SETDB1: variants seen among roughly 807,000 people sequenced by gnomAD.
The protein encoded by SETDB1 is histone-lysine N-methyltransferase SETDB1.
Under a neutral mutation model 137.4 loss-of-function variants are expected in SETDB1, and 31 were observed. That is an observed-to-expected ratio of 0.23 (90% CI 0.17 to 0.30). The LOEUF is 0.30. SETDB1 is among the 10% of genes least tolerant of loss of function. The pLI is 1.00. For missense variants in SETDB1, 1,113 were observed against 1,631.5 expected (o/e 0.68, Z 5.47); for synonymous variants, 548 against 579.9 (o/e 0.95, Z 0.79).
chr1:150,933,773 CTTTTTCTTTT>C (rs1558012264), intron 3 of SETDB1, among the ~76,000 whole-genome samples: 7 of 13,948 alleles, frequency 5.0e-4, no homozygotes, highest in Non-Finnish European at 2.0e-3. Flanking sequence ...TTTTCTTTTT[CTTTTTCTTTT>C]TTTTTTTTTT....
chr1:150,937,106 C>T (rs1669969392), intron 3 of SETDB1, among the ~76,000 whole-genome samples: 1 of 149,594 alleles, frequency 6.7e-6, no homozygotes, highest in East Asian at 2.0e-4. Flanking sequence ...GCCTGGATGA[C>T]AGAGTAAGAA....
rs750027850 is a variant in SETDB1, at chr1:150,951,416, A to G, written c.2268A>G (p.Pro756=). 6.2e-6 allele frequency: 10 copies of G among 1,614,038 alleles called. No individual in the cohort carries two copies. The Admixed American group carries it at 1.7e-4, about 27-fold the overall frequency. ...QLTIQATACT[P]GGQINPNSGY... ...CTATCCAGGCTACAGCCTGTACCCC[A>G]GGAGGCCAAATCAACCCTAACTCTG... The change falls in exon 14 of 22, where the codon CCA becomes CCG. Residue 756 remains proline (P), a synonymous_variant. Coordinates refer to ENST00000692827, the MANE Select transcript of SETDB1 (RefSeq NM_001366418.1).
At chr1:150,929,256 TTG>T (rs1463155009) in intron 2 of SETDB1, among the ~76,000 whole-genome samples, 1 of 152,234 alleles carries the variant, frequency 6.6e-6, no homozygotes, top group Non-Finnish European at 1.5e-5. Flanking sequence ...CCAGCACCTG[TTG>T]TTTCCTGACT....
chr1:150,935,807 A>G (rs1255246730), intron 3 of SETDB1, among the ~76,000 whole-genome samples: 2 of 152,166 alleles, frequency 1.3e-5, no homozygotes, highest in African/African-American at 2.4e-5. Context: ...GAGCATATTT[A>G]TAAATCCAGT....
intron 14 of SETDB1, among the ~76,000 whole-genome samples, chr1:150,958,046 C>T (rs1445983730): frequency 1.3e-5 from 2 of 151,826 alleles, no homozygotes; most frequent in African/African-American, 4.8e-5. Context: ...ATTAGCAAGG[C>T]ACGGTGGCGC....
At chr1:150,939,339 G>A (rs892379017) in intron 3 of SETDB1, among the ~76,000 whole-genome samples, 5 of 115,996 alleles carry the variant, frequency 4.3e-5, no homozygotes, top group African/African-American at 1.3e-4. Context: ...TATTATTATT[G>A]TTTTTTGAGC....
intron 14 of SETDB1, among the ~76,000 whole-genome samples, chr1:150,955,260 G>A (rs1017093765): frequency 3.3e-5 from 5 of 152,152 alleles, no homozygotes; most frequent in African/African-American, 1.2e-4. Context: ...CGTTTGAAAT[G>A]TTTCATAAAA....
chr1:150,961,043 G>T lies in SETDB1; in HGVS notation c.2984G>T (p.Gly995Val). 6.9e-7 allele frequency: 1 copy of T among 1,450,652 alleles called. No homozygotes were observed. Among genetic ancestry groups the T allele is most frequent in the Non-Finnish European group, 9.3e-7 (1 of 1,077,948 alleles). The allele number at this position is 1,450,652 out of a possible 1,614,324, so 89.9% of individuals were successfully genotyped here. Residue 995 changes from glycine to valine, a missense_variant, in exon 16 of 22, where the codon GGT becomes GTT. Coordinates refer to ENST00000692827, the MANE Select transcript of SETDB1 (RefSeq NM_001366418.1). ...AGCTGCAATAGTGTCAGTGAAGGTG[G>T]TTTTGCTGACTCTGATAGCCATTCA... ...WLSCNSVSEGGFADSDSHSSF... is the reference protein window; with the variant it reads ...WLSCNSVSEGVFADSDSHSSF...
chr1:150,928,963 A>G (rs113143309), intron 2 of SETDB1, among the ~76,000 whole-genome samples: 11 of 152,276 alleles, frequency 7.2e-5, no homozygotes, highest in African/African-American at 2.4e-4. Flanking sequence ...CATGGTGTAT[A>G]TGTGCCACAT....
rs1341887304 is a variant in SETDB1, at chr1:150,950,741, G to A, written c.1867G>A (p.Gly623Ser). ...CCGGCGTCGAGTTAACCGCAAGATG[G>A]GCTTTCATGTTATCTATAAGACACC... Reference protein sequence around the residue: ...TARRRVNRKMGFHVIYKTPCG... With the variant: ...TARRRVNRKMSFHVIYKTPCG... Residue 623 changes from glycine (G) to serine (S), a missense_variant, in exon 13 of 22, where the codon GGC becomes AGC. Gly to Ser is a moderately conservative substitution (Grantham distance 56). Coordinates refer to ENST00000692827, the MANE Select transcript of SETDB1 (RefSeq NM_001366418.1). The A allele has an allele frequency of 6.2e-7, 1 of 1,614,168 alleles. No homozygotes were observed. Among genetic ancestry groups the A allele is most frequent in the Non-Finnish European group, 8.5e-7 (1 of 1,180,040 alleles).
chr1:150,947,127 G>A, intron 10 of SETDB1, 115 bp downstream of exon 10: 1 of 1,235,050 alleles, frequency 8.1e-7, no homozygotes, highest in African/African-American at 1.5e-5. Context: ...ATTGGAAACA[G>A]GATATGTGCC....
At chr1:150,951,225 T>G (rs1342464819) in intron 13 of SETDB1, 135 bp downstream of exon 13, 1 of 1,175,056 alleles carries the variant, frequency 8.5e-7, no homozygotes. Flanking sequence ...ACTCCTGCTA[T>G]AAGGCCTCCA....
chr1:150,939,631 T>C (rs1168972597), intron 3 of SETDB1, among the ~76,000 whole-genome samples: 2 of 152,134 alleles, frequency 1.3e-5, no homozygotes, highest in Non-Finnish European at 2.9e-5. Context: ...GGCCTAATTT[T>C]TTTTTTAAGA....
chr1:150,935,539 T>C (rs1669918638), intron 3 of SETDB1, among the ~76,000 whole-genome samples: 1 of 152,198 alleles, frequency 6.6e-6, no homozygotes, highest in African/African-American at 2.4e-5. Flanking sequence ...TGTTCATTTT[T>C]CTTCAATTTT....
intron 9 of SETDB1, 116 bp from the exon 10 acceptor site, chr1:150,946,769 TA>T: frequency 8.2e-7 from 1 of 1,224,202 alleles, no homozygotes; most frequent in Non-Finnish European, 1.2e-6. Context: ...CTAAGGAATT[TA>T]AGGCTCATCA....
chr1:150,951,637 C>G (rs1025734532), intron 14 of SETDB1, among the ~76,000 whole-genome samples, 156 bp downstream of exon 14: 7 of 152,150 alleles, frequency 4.6e-5, no homozygotes, highest in African/African-American at 1.7e-4. Context: ...TTCATGACTT[C>G]CAAAACACAT....
At chr1:150,938,476 C>T (rs1371956142) in intron 3 of SETDB1, among the ~76,000 whole-genome samples, 1 of 151,932 alleles carries the variant, frequency 6.6e-6, no homozygotes, top group Admixed American at 6.6e-5. Context: ...AGTTTAATTA[C>T]CAAAAACCAC....
chr1:150,949,003 G>T (rs1454953000), intron 10 of SETDB1, 119 bp from the exon 11 acceptor site: 39 of 1,037,272 alleles, frequency 3.8e-5, no homozygotes, highest in Non-Finnish European at 5.4e-5. Context: ...ACAGGCAAGA[G>T]CCACTGCGCC....
In SETDB1 at chr1:150,934,717, C is replaced by T. The variant is rs139189121; in HGVS notation, c.412+4599C>T. Among the ~76,000 whole-genome samples the T allele has an allele frequency of 3.0e-4, 45 of 152,284 alleles. 1 individual carries two copies. The East Asian group carries it at 8.7e-3, about 29-fold the overall frequency. On this transcript the variant is annotated intron_variant, in intron 3 of 21. Transcript: ENST00000692827. ...ATTCCTTCCTGTGGATCTGAGTTAT[C>T]ATCCAGTGTCATGTTTTTCCAGCCA...
Sources: allele counts gnomAD v4.1 joint callset (sites outside exome capture counted in the v4.1 genomes callset), GRCh38; gene constraint gnomAD v4.1.1; transcripts MANE v1.5; gene names NCBI Gene and HGNC (gene_info 2026-07-23, HGNC 2026-07-21).